Variants in EFNA5 observed in about 807,000 individuals in gnomAD.
The protein encoded by EFNA5 is ephrin-A5.
EFNA5 carries 5 observed loss-of-function variants against 22.9 expected under a neutral mutation model. The observed-to-expected ratio is 0.22, with a 90% CI of 0.11 to 0.46. EFNA5 has a LOEUF of 0.46. Ranked by LOEUF, EFNA5 falls within the 20% of genes least tolerant of loss-of-function variation. The pLI, the probability that EFNA5 is intolerant of heterozygous loss-of-function variation, is 0.99. For missense variants in EFNA5, 237 were observed against 293.3 expected (o/e 0.81, Z 1.40); for synonymous variants, 113 against 112.2 (o/e 1.01, Z -0.04).
At chr5:107,481,277 C>T (rs1408621974) in intron 1 of EFNA5, among the ~76,000 whole-genome samples, 2 of 152,170 alleles carry the variant, frequency 1.3e-5, no homozygotes, top group Non-Finnish European at 1.5e-5. Context: ...GTTGGGGAAA[C>T]AATCTGGCTG....
chr5:107,430,924 C>T (rs111354605), intron 1 of EFNA5, among the ~76,000 whole-genome samples: 74 of 151,874 alleles, frequency 4.9e-4, no homozygotes, highest in Middle Eastern at 3.4e-3. Context: ...TACAGGCATG[C>T]GCCACCACAC....
At chr5:107,633,485 G>C (rs908700128) in intron 1 of EFNA5, among the ~76,000 whole-genome samples, 1 of 152,194 alleles carries the variant, frequency 6.6e-6, no homozygotes, top group African/African-American at 2.4e-5. Context: ...CCGGGGCCCC[G>C]CGCCTCATGG....
chr5:107,629,066 T>G (rs1344740726), intron 1 of EFNA5, among the ~76,000 whole-genome samples: 2 of 152,154 alleles, frequency 1.3e-5, no homozygotes, highest in African/African-American at 4.8e-5. Context: ...TTCAAAGGCA[T>G]AGAATGTTTT....
At chr5:107,591,885 T>C (rs181841460) in intron 1 of EFNA5, among the ~76,000 whole-genome samples, 817 of 23,988 alleles carry the variant, frequency 0.034, 66 homozygotes, top group Non-Finnish European at 0.048. Context: ...ATATATAATA[T>C]ATATATTATA....
At chr5:107,458,870 T>C (rs1749763728) in intron 1 of EFNA5, among the ~76,000 whole-genome samples, 1 of 152,140 alleles carries the variant, frequency 6.6e-6, no homozygotes, top group Non-Finnish European at 1.5e-5. Flanking sequence ...ATTTTAGTCT[T>C]TTTTTATTGA....
chr5:107,670,574 G>A lies in EFNA5; in HGVS notation c.40C>T (p.Leu14Phe), dbSNP rs754892007. The change falls in exon 1 of 5, where the codon CTC becomes TTC. Residue 14 changes from leucine to phenylalanine, a missense_variant. Coordinates refer to ENST00000333274, the MANE Select transcript of EFNA5 (RefSeq NM_001962.3). ...TCCTGGCTGAACACACACATCCAGA[G>A]CACCAGAAACACCAGCGTCAACATC... ...VEMLTLVFLVLWMCVFSQDPG... is the reference protein window; with the variant it reads ...VEMLTLVFLVFWMCVFSQDPG... The A allele has an allele frequency of 3.1e-6, 5 of 1,602,508 alleles. No homozygotes were observed. The Admixed American group carries it at 6.7e-5, about 22-fold the overall frequency.
At chr5:107,391,344 G>C (rs1006088950) in intron 2 of EFNA5, among the ~76,000 whole-genome samples, 1 of 152,100 alleles carries the variant, frequency 6.6e-6, no homozygotes, top group Non-Finnish European at 1.5e-5. Context: ...AGGTTTACAT[G>C]AAGAGCCAGC....
At chr5:107,530,654 G>A (rs1041965753) in intron 1 of EFNA5, among the ~76,000 whole-genome samples, 3 of 152,196 alleles carry the variant, frequency 2.0e-5, no homozygotes, top group African/African-American at 7.2e-5. Flanking sequence ...GTGAGAAGAA[G>A]GACAGAGTGG....
chr5:107,553,919 G>T (rs1276552496), intron 1 of EFNA5, among the ~76,000 whole-genome samples: 1 of 152,090 alleles, frequency 6.6e-6, no homozygotes, highest in African/African-American at 2.4e-5. Flanking sequence ...CCCACACCTA[G>T]TAACTTCTTC....
chr5:107,537,130 G>T (rs1747947122), intron 1 of EFNA5, among the ~76,000 whole-genome samples: 1 of 151,826 alleles, frequency 6.6e-6, no homozygotes, highest in Non-Finnish European at 1.5e-5. Context: ...AATTGAAGTA[G>T]ATTTCTCAAA....
intron 1 of EFNA5, among the ~76,000 whole-genome samples, chr5:107,582,191 T>G (rs1200851070): frequency 1.3e-5 from 2 of 152,204 alleles, no homozygotes; most frequent in African/African-American, 4.8e-5. Flanking sequence ...CATTTTTACT[T>G]CAACTAGTAT....
chr5:107,420,210 A>C (rs891294578), intron 2 of EFNA5, among the ~76,000 whole-genome samples: 1 of 152,198 alleles, frequency 6.6e-6, no homozygotes. Context: ...CTTAATCTTT[A>C]TGCATTTATG....
At chr5:107,638,282 T>G (rs1750429099) in intron 1 of EFNA5, among the ~76,000 whole-genome samples, 1 of 152,110 alleles carries the variant, frequency 6.6e-6, no homozygotes, top group South Asian at 2.1e-4. Flanking sequence ...CTCACTTATA[T>G]GCAGAGGCTA....
At chr5:107,414,994 G>A (rs940898738) in intron 2 of EFNA5, among the ~76,000 whole-genome samples, 4 of 152,138 alleles carry the variant, frequency 2.6e-5, no homozygotes, top group African/African-American at 9.7e-5. Flanking sequence ...TTCACACATG[G>A]ATAAGAGCTA....
chr5:107,539,947 G>A (rs553506931), intron 1 of EFNA5, among the ~76,000 whole-genome samples: 5 of 152,162 alleles, frequency 3.3e-5, no homozygotes, highest in Admixed American at 6.5e-5. Flanking sequence ...CTTAGCTGGT[G>A]GCTTCCTGCC....
At chr5:107,556,122 G>C (rs1169720124) in intron 1 of EFNA5, among the ~76,000 whole-genome samples, 1 of 152,162 alleles carries the variant, frequency 6.6e-6, no homozygotes, top group Non-Finnish European at 1.5e-5. Context: ...TGGCACAAAA[G>C]TATCCTAAAC....
Position 107,425,381 on chromosome 5 carries a change from C to A in EFNA5, c.418+1836G>T, listed in dbSNP as rs1233149775. 2.0e-5 allele frequency among the ~76,000 whole-genome samples: 3 copies of A among 152,174 alleles called. No homozygotes were observed. The East Asian group carries it at 5.8e-4, about 29-fold the overall frequency. On this transcript the variant is annotated intron_variant, in intron 2 of 4. Coordinates refer to ENST00000333274, the MANE Select transcript of EFNA5 (RefSeq NM_001962.3). ...ATCTGAGAAGCCAGTAAGAAAATTT[C>A]AAAACTAGCAAGAATTTTCTCTTAC...
intron 1 of EFNA5, among the ~76,000 whole-genome samples, chr5:107,538,310 T>C (rs749448536): frequency 1.3e-5 from 2 of 152,222 alleles, no homozygotes; most frequent in Non-Finnish European, 2.9e-5. Flanking sequence ...ACAATTTAAT[T>C]ACTGAGGTAC....
Position 107,380,624 on chromosome 5 carries a change from C to G in EFNA5, c.*631G>C, listed in dbSNP as rs1257945027. 1.0e-5 allele frequency: 4 copies of G among 381,098 alleles called. No homozygotes were observed. Among genetic ancestry groups the G allele is most frequent in the African/African-American group, 2.1e-5 (1 of 47,718 alleles). The allele number at this position is 381,098 out of a possible 1,614,324, so 23.6% of individuals were successfully genotyped here. ...TTTTAGAGAGCACAAGTTTTGCTGT[C>G]AAGAATGCTTTAAGACAGTCATATT... On this transcript the variant is annotated 3_prime_UTR_variant, in exon 5 of 5. Transcript: ENST00000333274.
Sources: allele counts gnomAD v4.1 joint callset (sites outside exome capture counted in the v4.1 genomes callset), GRCh38; gene constraint gnomAD v4.1.1; transcripts MANE v1.5; gene names NCBI Gene and HGNC (gene_info 2026-07-23, HGNC 2026-07-21).